RALGPS1: variants seen among roughly 807,000 people sequenced by gnomAD.
The protein encoded by RALGPS1 is Ral GEF with PH domain and SH3 binding motif 1, also known as ras-specific guanine nucleotide-releasing factor RalGPS1.
A neutral mutation model predicts 78.8 loss-of-function variants in RALGPS1; 19 were observed. That is an observed-to-expected ratio of 0.24 (90% CI 0.17 to 0.35). The LOEUF (loss-of-function observed/expected upper bound fraction) is 0.35. RALGPS1 is among the 10% of genes least tolerant of loss of function. The pLI is 1.00. For synonymous variants in RALGPS1, 228 were observed against 256.3 expected, an observed-to-expected ratio of 0.89 and a Z score of 1.06; for missense variants, 454 against 688.3, an observed-to-expected ratio of 0.66 and a Z score of 3.81.
chr9:127,078,282 C>T (rs775419143), intron 8 of RALGPS1, among the ~76,000 whole-genome samples: 42 of 152,300 alleles, frequency 2.8e-4, no homozygotes, highest in Non-Finnish European at 4.6e-4. Flanking sequence ...TTTACTTTTG[C>T]AATCTCCGGA....
chr9:126,948,127 A>G (rs1300669036), intron 1 of RALGPS1, among the ~76,000 whole-genome samples: 1 of 152,192 alleles, frequency 6.6e-6, no homozygotes, highest in African/African-American at 2.4e-5. Flanking sequence ...GACAGGGACT[A>G]GGTAGGGGCT....
At chr9:127,020,796 A>G (rs1176347426) in intron 4 of RALGPS1, among the ~76,000 whole-genome samples, 1 of 152,348 alleles carries the variant, frequency 6.6e-6, no homozygotes, top group Middle Eastern at 3.4e-3. Context: ...TCCAGAGGCA[A>G]CAGGCCTAGG....
At chr9:127,137,821 G>C (rs765275101) in intron 8 of RALGPS1, among the ~76,000 whole-genome samples, 4 of 152,222 alleles carry the variant, frequency 2.6e-5, no homozygotes, top group African/African-American at 7.2e-5. Context: ...AGCAAGCAGC[G>C]TGTAGAGGCT....
intron 1 of RALGPS1, among the ~76,000 whole-genome samples, chr9:126,943,982 A>AC (rs1195785956): frequency 6.6e-6 from 1 of 152,190 alleles, no homozygotes; most frequent in Non-Finnish European, 1.5e-5. Context: ...GAACTCAGAG[A>AC]CCCTCATTAT....
intron 1 of RALGPS1, among the ~76,000 whole-genome samples, chr9:126,926,821 GA>G (rs1211379208): frequency 6.6e-6 from 1 of 152,128 alleles, no homozygotes; most frequent in Non-Finnish European, 1.5e-5. Flanking sequence ...AGGTTCAAAA[GA>G]AACTGATGTA....
rs1226568810 is a variant in RALGPS1, at chr9:127,219,743, C to G, written c.*974C>G. On this transcript the variant is annotated 3_prime_UTR_variant, in exon 19 of 19. Transcript: ENST00000259351. The surrounding 1 kb of genome is among the most constrained non-coding windows in gnomAD (Gnocchi z 5.0). Reference sequence around the variant, plus strand: ...TGTGCAGGAGCCATGAGGCACCAACCTCTCCCCGCAGGGCAAAGCCTGTGC... The same window carrying G: ...TGTGCAGGAGCCATGAGGCACCAACGTCTCCCCGCAGGGCAAAGCCTGTGC... The G allele has an allele frequency of 6.5e-6, 1 of 152,738 alleles. No individual in the cohort carries two copies. Among genetic ancestry groups the G allele is most frequent in the East Asian group, 1.9e-4 (1 of 5,196 alleles). 9.5% of individuals were successfully genotyped at this position (152,738 alleles called of 1,614,324 possible).
chr9:126,933,268 G>A (rs1258407809), intron 1 of RALGPS1, among the ~76,000 whole-genome samples: 1 of 152,130 alleles, frequency 6.6e-6, no homozygotes, highest in Non-Finnish European at 1.5e-5. Flanking sequence ...TGGTGAGCAG[G>A]TTAAAGCTGC....
intron 4 of RALGPS1, among the ~76,000 whole-genome samples, chr9:127,001,668 T>G (rs946288098): frequency 3.3e-5 from 5 of 151,978 alleles, no homozygotes; most frequent in Non-Finnish European, 7.4e-5. Flanking sequence ...GGTGGATTAC[T>G]AGGTCAGGAG....
chr9:126,990,115 T>A, intron 4 of RALGPS1: 1 of 1,241,170 alleles, frequency 8.1e-7, no homozygotes, highest in African/African-American at 1.5e-5. Flanking sequence ...TTGCTGCTCC[T>A]TGGAATCAGT....
At chr9:126,940,544 A>G (rs1564282145) in intron 1 of RALGPS1, among the ~76,000 whole-genome samples, 4 of 148,866 alleles carry the variant, frequency 2.7e-5, no homozygotes, top group African/African-American at 9.9e-5. Context: ...GGTTCACGCC[A>G]TTCTCCTGCC....
At chr9:126,973,021 C>G (rs369003262) in intron 3 of RALGPS1, among the ~76,000 whole-genome samples, 2 of 152,074 alleles carry the variant, frequency 1.3e-5, no homozygotes, top group African/African-American at 4.8e-5. Context: ...GAGATTGCGC[C>G]ACTGCACTCC....
At chr9:127,074,410 G>C (rs2050498846) in intron 8 of RALGPS1, among the ~76,000 whole-genome samples, 1 of 151,786 alleles carries the variant, frequency 6.6e-6, no homozygotes, top group Non-Finnish European at 1.5e-5. Flanking sequence ...TTTCTACTTG[G>C]TTACTGGCAA....
chr9:127,018,421 T>C (rs2045095381), intron 4 of RALGPS1, among the ~76,000 whole-genome samples: 1 of 152,020 alleles, frequency 6.6e-6, no homozygotes, highest in Non-Finnish European at 1.5e-5. Flanking sequence ...GTGGATCACT[T>C]GAGGTCAGGA....
intron 4 of RALGPS1, among the ~76,000 whole-genome samples, chr9:127,004,327 G>A (rs957947226): frequency 6.6e-6 from 1 of 152,176 alleles, no homozygotes; most frequent in African/African-American, 2.4e-5. Context: ...TGTATTTTTA[G>A]TAGAGACAGT....
At chr9:126,960,638 T>C (rs773787282) in intron 1 of RALGPS1, among the ~76,000 whole-genome samples, 2 of 152,156 alleles carry the variant, frequency 1.3e-5, no homozygotes, top group Non-Finnish European at 2.9e-5. Context: ...CTTTTTCTTC[T>C]TTTTGAGCTA....
At chr9:127,162,304 G>T (rs928752057) in intron 8 of RALGPS1, among the ~76,000 whole-genome samples, 4 of 152,134 alleles carry the variant, frequency 2.6e-5, no homozygotes, top group Admixed American at 2.6e-4. Context: ...GCGGTTGTGG[G>T]GTGTGCCAAC....
intron 8 of RALGPS1, among the ~76,000 whole-genome samples, chr9:127,114,881 A>G (rs777776046): frequency 3.3e-5 from 5 of 152,244 alleles, no homozygotes; most frequent in African/African-American, 1.2e-4. Flanking sequence ...AACTATCATC[A>G]GGACAGAAGA....
At chr9:126,945,098 G>A (rs930541764) in intron 1 of RALGPS1, among the ~76,000 whole-genome samples, 15 of 152,320 alleles carry the variant, frequency 9.8e-5, no homozygotes, top group Middle Eastern at 3.4e-3. Context: ...TCCTCCAGGT[G>A]AGGTATGAGT....
chr9:126,978,283 C>T (rs1255461052), intron 4 of RALGPS1: 1 of 148,072 alleles, frequency 6.8e-6, no homozygotes, highest in African/African-American at 2.5e-5. Flanking sequence ...GGTTTGAGAC[C>T]AGCCTGAGCA....
Sources: allele counts gnomAD v4.1 joint callset (sites outside exome capture counted in the v4.1 genomes callset), GRCh38; gene constraint gnomAD v4.1.1; non-coding constraint Gnocchi (gnomAD v3.1); transcripts MANE v1.5; gene names NCBI Gene and HGNC (gene_info 2026-07-23, HGNC 2026-07-21).